Variants in UXS1 observed in about 807,000 individuals in gnomAD.
UXS1 encodes UDP-glucuronate decarboxylase 1, also known as UDP-glucuronic acid decarboxylase 1.
A neutral mutation model predicts 62.6 loss-of-function variants in UXS1; 33 were observed. The observed-to-expected ratio is 0.53, with a 90% CI of 0.40 to 0.70. The LOEUF (loss-of-function observed/expected upper bound fraction) is 0.70. Ranked by LOEUF, UXS1 falls within the 30% of genes least tolerant of loss-of-function variation. UXS1 has a pLI of 0.00. For synonymous variants in UXS1, 213 were observed against 206.8 expected, an observed-to-expected ratio of 1.03 and a Z score of -0.26; for missense variants, 434 against 556.3, an observed-to-expected ratio of 0.78 and a Z score of 2.21.
intron 5 of UXS1, among the ~76,000 whole-genome samples, chr2:106,154,687 C>T (rs1365143207): frequency 6.6e-6 from 1 of 152,160 alleles, no homozygotes; most frequent in Non-Finnish European, 1.5e-5. Flanking sequence ...TGTTTTAAAC[C>T]ACTCAGATGG....
chr2:106,157,187 C>T (rs1346413937), intron 5 of UXS1, among the ~76,000 whole-genome samples: 1 of 152,000 alleles, frequency 6.6e-6, no homozygotes, highest in African/African-American at 2.4e-5. Context: ...GGTTGCACAA[C>T]TCTGTGAATA....
chr2:106,167,338 G>A (rs76385698), intron 1 of UXS1, among the ~76,000 whole-genome samples: 2,303 of 152,202 alleles, frequency 0.015, 64 homozygotes, highest in African/African-American at 0.052. Context: ...TCCAGGTGCC[G>A]AGGAAGAACA....
chr2:106,192,991 T>C (rs2100329), intron 1 of UXS1, among the ~76,000 whole-genome samples: 149,391 of 152,264 alleles, frequency 0.98, 73,337 homozygotes, highest in South Asian at 1. Context: ...ACACACACTT[T>C]AGACTAGTTC....
intron 5 of UXS1, among the ~76,000 whole-genome samples, chr2:106,147,694 AT>A (rs1187008050): frequency 6.6e-6 from 1 of 152,216 alleles, no homozygotes. Context: ...CTATATATTG[AT>A]TTATACCTCC....
intron 9 of UXS1, among the ~76,000 whole-genome samples, chr2:106,119,677 T>A (rs983350540): frequency 6.6e-6 from 1 of 151,764 alleles, no homozygotes; most frequent in Non-Finnish European, 1.5e-5. Context: ...CACTTTGGAG[T>A]TGTTGCCCCA....
intron 6 of UXS1, 149 bp downstream of exon 6, chr2:106,145,041 G>A (rs1224119085): frequency 5.9e-6 from 5 of 842,374 alleles, no homozygotes; most frequent in Admixed American, 5.7e-5. Flanking sequence ...GACTAGGACG[G>A]CACCTCATAC....
chr2:106,094,635 C>T (rs765214358), intron 14 of UXS1, among the ~76,000 whole-genome samples: 18 of 152,126 alleles, frequency 1.2e-4, no homozygotes, highest in Non-Finnish European at 2.5e-4. Context: ...CACTGCCTAG[C>T]GGATCATGGC....
chr2:106,169,047 C>T (rs1024990169), intron 1 of UXS1, among the ~76,000 whole-genome samples: 12 of 152,294 alleles, frequency 7.9e-5, no homozygotes, highest in African/African-American at 2.9e-4. Flanking sequence ...AACTCTATGT[C>T]CTTGTTGTCC....
At chr2:106,163,741 A>T (rs1380067331) in intron 3 of UXS1, 31 bp from the exon 4 acceptor site, 1 of 1,384,968 alleles carries the variant, frequency 7.2e-7, no homozygotes, top group Non-Finnish European at 9.6e-7. Context: ...ATCAGTTTTA[A>T]AGCAAAAACA....
chr2:106,108,012 C>T (rs1678235761), intron 10 of UXS1, among the ~76,000 whole-genome samples: 1 of 152,320 alleles, frequency 6.6e-6, no homozygotes, highest in African/African-American at 2.4e-5. Context: ...CACTGCATAC[C>T]CCCACAGACC....
chr2:106,112,732 T>G lies in UXS1; in HGVS notation c.793A>C (p.Asn265His), dbSNP rs767788028. 21 of 1,613,886 alleles carry G rather than the reference T, an allele frequency of 1.3e-5. No individual in the cohort carries two copies. Among genetic ancestry groups the G allele is most frequent in the Non-Finnish European group, 1.7e-6 (2 of 1,179,906 alleles). Reference sequence around the variant, plus strand: ...ATGTGCATGCGTGGCCCAAAGGTGTTGAAGATTCTGGCCACTCGCACTTCC... The same window carrying G: ...ATGTGCATGCGTGGCCCAAAGGTGTGGAAGATTCTGGCCACTCGCACTTCC... ...GVEVRVARIFNTFGPRMHMND... is the reference protein window; with the variant it reads ...GVEVRVARIFHTFGPRMHMND... The change falls in exon 10 of 15, where the codon AAC (asparagine) becomes CAC (histidine). Residue 265 changes from asparagine (N) to histidine (H), a missense_variant. Physicochemically the swap from Asn to His is moderately conservative, Grantham distance 68. This residue lies in a region of UXS1 where 209 missense variants were observed against 233.3 expected (regional missense o/e 0.90). Coordinates refer to ENST00000283148, the MANE Select transcript of UXS1 (RefSeq NM_001253875.2).
At chr2:106,112,279 A>G (rs1456758203) in intron 10 of UXS1, among the ~76,000 whole-genome samples, 2 of 151,886 alleles carry the variant, frequency 1.3e-5, no homozygotes, top group Admixed American at 6.6e-5. Context: ...TCACCTCCCC[A>G]CCCTACCTGT....
intron 11 of UXS1, chr2:106,102,944 CT>C: frequency 6.6e-6 from 1 of 152,318 alleles, no homozygotes; most frequent in Admixed American, 6.5e-5. Flanking sequence ...TAAATAAATA[CT>C]ACTGAAGTGT....
intron 1 of UXS1, among the ~76,000 whole-genome samples, chr2:106,193,940 G>A (rs890149138): frequency 2.0e-5 from 3 of 152,004 alleles, no homozygotes; most frequent in Non-Finnish European, 4.4e-5. Context: ...CCGCGCCCGG[G>A]CCTAAGCGGT....
intron 5 of UXS1, among the ~76,000 whole-genome samples, chr2:106,147,521 T>C (rs766191802): frequency 6.6e-6 from 1 of 152,094 alleles, no homozygotes; most frequent in Admixed American, 6.5e-5. Flanking sequence ...AGGTCAAGGC[T>C]GCAGTGAGTG....
chr2:106,100,318 C>G (rs780981911), intron 12 of UXS1, among the ~76,000 whole-genome samples: 1 of 152,108 alleles, frequency 6.6e-6, no homozygotes, highest in Non-Finnish European at 1.5e-5. Context: ...GGCTGATGCA[C>G]CAAGGAGGAG....
intron 6 of UXS1, among the ~76,000 whole-genome samples, chr2:106,144,341 A>G (rs999885101): frequency 2.6e-5 from 4 of 152,266 alleles, no homozygotes; most frequent in Non-Finnish European, 5.9e-5. Flanking sequence ...ATTAGATTAA[A>G]TATTCATCTC....
intron 6 of UXS1, among the ~76,000 whole-genome samples, chr2:106,130,902 G>A (rs1375166289): frequency 6.6e-6 from 1 of 152,096 alleles, no homozygotes; most frequent in African/African-American, 2.4e-5. Flanking sequence ...GGGGGGAGGA[G>A]CCAAGATGGC....
intron 1 of UXS1, among the ~76,000 whole-genome samples, chr2:106,181,291 A>ATC (rs1247487575): frequency 1.3e-5 from 2 of 152,110 alleles, no homozygotes; most frequent in Non-Finnish European, 1.5e-5. Context: ...CTGGAACCTC[A>ATC]TCTCTCTCTG....
Sources: gnomAD v4.1 joint callset for allele counts (sites outside exome capture counted in the v4.1 genomes callset) on GRCh38, gnomAD v4.1.1 for gene constraint, gnomAD v4.1.1 regional missense constraint, MANE v1.5 for transcripts, NCBI Gene and HGNC (gene_info 2026-07-23, HGNC 2026-07-21) for gene names.